LAMA2: variants seen among roughly 807,000 people sequenced by gnomAD.
The protein encoded by LAMA2 is laminin subunit alpha-2.
LAMA2 carries 269 observed loss-of-function variants against 364.8 expected under a neutral mutation model. The observed-to-expected ratio is 0.74, with a 90% confidence interval of 0.67 to 0.82. The LOEUF (loss-of-function observed/expected upper bound fraction) is 0.82. Ranked by LOEUF, LAMA2 falls within the 40% of genes least tolerant of loss-of-function variation. The pLI, the probability that LAMA2 is intolerant of heterozygous loss-of-function variation, is 0.00. For missense variants in LAMA2, 3,807 were observed against 3,873.2 expected (o/e 0.98, Z 0.45); for synonymous variants, 1,379 against 1,370.6 (o/e 1.01, Z -0.14).
intron 30 of LAMA2, among the ~76,000 whole-genome samples, chr6:129,348,682 T>C (rs1423642284): frequency 1.3e-5 from 2 of 152,068 alleles, no homozygotes; most frequent in African/African-American, 2.4e-5. Context: ...TACCATAAAA[T>C]AGTCATTTTC....
At chr6:129,364,426 C>G (rs1411477891) in intron 32 of LAMA2, among the ~76,000 whole-genome samples, 2 of 152,170 alleles carry the variant, frequency 1.3e-5, no homozygotes, top group African/African-American at 2.4e-5. Context: ...ATTGATACCT[C>G]TATCTGCAGA....
chr6:129,350,467 G>C (rs1339424775), intron 31 of LAMA2, among the ~76,000 whole-genome samples: 2 of 152,190 alleles, frequency 1.3e-5, no homozygotes, highest in Admixed American at 6.5e-5. Context: ...CGCCCTTCCT[G>C]CAGTGGCCCA....
intron 1 of LAMA2, among the ~76,000 whole-genome samples, chr6:128,987,571 C>T (rs1783344638): frequency 6.6e-6 from 1 of 152,162 alleles, no homozygotes; most frequent in Non-Finnish European, 1.5e-5. Context: ...AGAATGTGTT[C>T]TGTTTCCATA....
intron 14 of LAMA2, among the ~76,000 whole-genome samples, chr6:129,257,190 G>C (rs11966599): frequency 6.6e-6 from 1 of 151,736 alleles, no homozygotes; most frequent in Non-Finnish European, 1.5e-5. Context: ...GATATCAAGA[G>C]AATGACCATA....
chr6:129,499,900 A>T (rs1257357352), intron 58 of LAMA2, among the ~76,000 whole-genome samples: 2 of 151,638 alleles, frequency 1.3e-5, no homozygotes, highest in African/African-American at 2.4e-5. Flanking sequence ...TATTTTTTTA[A>T]TTTTTTTGTT....
At chr6:129,379,494 G>A (rs9483020) in intron 34 of LAMA2, among the ~76,000 whole-genome samples, 3,355 of 152,118 alleles carry the variant, frequency 0.022, 125 homozygotes, top group African/African-American at 0.077. Flanking sequence ...TTTTGGTGCC[G>A]GGAACCTCAC....
chr6:129,336,823 G>A (rs2501467), intron 29 of LAMA2, among the ~76,000 whole-genome samples: 125,221 of 152,158 alleles, frequency 0.82, 51,639 homozygotes, highest in Admixed American at 0.87. Context: ...ATGATGAGGC[G>A]TAAGCTTTGT....
At chr6:129,132,063 G>A (rs567960510) in intron 4 of LAMA2, among the ~76,000 whole-genome samples, 85 of 152,002 alleles carry the variant, frequency 5.6e-4, no homozygotes, top group African/African-American at 1.7e-3. Context: ...GATCTCAACC[G>A]CAAAAGTCAG....
At chr6:129,154,105 T>C (rs1003238801) in intron 7 of LAMA2, among the ~76,000 whole-genome samples, 6 of 152,188 alleles carry the variant, frequency 3.9e-5, no homozygotes, top group African/African-American at 1.4e-4. Flanking sequence ...ACGCTAAATG[T>C]AATTTCCCGT....
Position 128,961,491 on chromosome 6 carries a change from C to A in LAMA2, c.112+78134C>A, listed in dbSNP as rs556173532. ...GGTCCCACAATAGGCTGTCTGCAAG[C>A]TGAGGAGCAAGGAGAGCCAGTCTGG... On this transcript the variant is annotated intron_variant, in intron 1 of 64. Transcript: ENST00000421865. Among the ~76,000 whole-genome samples, 3 of 149,072 alleles carry A rather than the reference C, an allele frequency of 2.0e-5. No individual in the cohort carries two copies. In the South Asian group the frequency reaches 6.3e-4, roughly 31 times the overall value.
At chr6:129,091,921 T>C (rs1281256087) in intron 3 of LAMA2, among the ~76,000 whole-genome samples, 3 of 152,244 alleles carry the variant, frequency 2.0e-5, no homozygotes, top group African/African-American at 7.2e-5. Context: ...ATTTTTAAGA[T>C]GAGAGTGAAC....
At chr6:129,227,855 T>A (rs2115118539) in intron 12 of LAMA2, among the ~76,000 whole-genome samples, 1 of 152,284 alleles carries the variant, frequency 6.6e-6, no homozygotes, top group Middle Eastern at 3.4e-3. Context: ...TCTTCAAAGC[T>A]GTCAGACAGG....
chr6:129,479,255 T>C (rs1042873949), intron 54 of LAMA2, among the ~76,000 whole-genome samples: 2 of 152,218 alleles, frequency 1.3e-5, no homozygotes, highest in Non-Finnish European at 2.9e-5. Context: ...GTGCATAGTC[T>C]GTTGTCTACA....
intron 28 of LAMA2, among the ~76,000 whole-genome samples, chr6:129,321,228 G>A (rs1774946116): frequency 6.6e-6 from 1 of 152,050 alleles, no homozygotes; most frequent in African/African-American, 2.4e-5. Context: ...CTTCAAGATT[G>A]TCAAATTTCT....
intron 12 of LAMA2, among the ~76,000 whole-genome samples, chr6:129,197,680 T>G (rs1016868951): frequency 6.6e-6 from 1 of 152,188 alleles, no homozygotes; most frequent in African/African-American, 2.4e-5. Context: ...AATAAACCTC[T>G]AAATTGATTG....
intron 21 of LAMA2, 85 bp downstream of exon 21, chr6:129,297,950 A>G: frequency 8.8e-7 from 1 of 1,131,346 alleles, no homozygotes; most frequent in Non-Finnish European, 1.3e-6. Flanking sequence ...TTTTAAAGGA[A>G]GCACAGATTG....
chr6:129,135,616 C>G (rs1467306597), intron 4 of LAMA2, among the ~76,000 whole-genome samples: 5 of 152,188 alleles, frequency 3.3e-5, no homozygotes, highest in Non-Finnish European at 7.3e-5. Flanking sequence ...ATTTTATCCT[C>G]TTATGATATC....
rs575445325 is a variant in LAMA2, at chr6:128,997,911, G to A, written c.113-52007G>A. ...CAGAAGATAAAAGGAGTTGAGGTTC[G>A]TAACGAGGTGATTTTAAGGATGGAT... On this transcript the variant is annotated intron_variant, in intron 1 of 64. Coordinates refer to ENST00000421865, the MANE Select transcript of LAMA2 (RefSeq NM_000426.4). Among the ~76,000 whole-genome samples the A allele has an allele frequency of 1.1e-4, 16 of 152,260 alleles. No homozygotes were observed. The South Asian group carries it at 2.3e-3, about 22-fold the overall frequency.
At chr6:128,944,422 G>C (rs9398890) in intron 1 of LAMA2, among the ~76,000 whole-genome samples, 91,886 of 151,984 alleles carry the variant, frequency 0.6, 31,084 homozygotes, top group East Asian at 0.82. Context: ...ACTTCAGAGG[G>C]ATATAGAAAA....
Sources: gnomAD v4.1 joint callset for allele counts (sites outside exome capture counted in the v4.1 genomes callset) on GRCh38, gnomAD v4.1.1 for gene constraint, MANE v1.5 for transcripts, NCBI Gene and HGNC (gene_info 2026-07-23, HGNC 2026-07-21) for gene names.